The following PML variants were observed in gnomAD, a reference collection of about 807,000 sequenced individuals.
The protein encoded by PML is protein PML.
Under a neutral mutation model 65.2 loss-of-function variants are expected in PML, and 28 were observed. The observed-to-expected ratio is 0.43, with a 90% CI of 0.32 to 0.59. PML has a LOEUF of 0.59. Among genes scored for constraint, PML ranks in the 20% least tolerant of loss-of-function variants. The probability of loss-of-function intolerance (pLI) is 0.08; values close to 1 mark genes in which losing one functional copy is unlikely to be tolerated. For missense variants in PML, 1,021 were observed against 1,203.4 expected (o/e 0.85, Z 2.24); for synonymous variants, 500 against 508.8 (o/e 0.98, Z 0.23).
intron 7 of PML, chr15:74,036,270 G>T (rs2071556728): frequency 2.7e-6 from 4 of 1,480,354 alleles, no homozygotes; most frequent in South Asian, 1.4e-5. Flanking sequence ...AGCCTTCCAT[G>T]CCCCGACCCC....
In PML at chr15:74,044,424, C is replaced by T. The variant is rs762959382; in HGVS notation, c.2065C>T (p.Arg689Trp). The T allele has an allele frequency of 1.4e-5, 23 of 1,614,168 alleles. No homozygotes were observed. The Admixed American group carries it at 1.5e-4, about 11-fold the overall frequency. The stretch of plus-strand genomic sequence containing the variant: ...GGGGCCTGGCCTCCCAAACTTCTTC[C>T]GGGCCCTGGAGGACATTAACAGGCT... ...LWGPGLPNFF[R>W]ALEDINRLWE... is the part of the protein sequence containing the mutation. The change falls in exon 9 of 9, where the codon CGG (arginine) becomes TGG (tryptophan). Residue 689 changes from arginine to tryptophan, a missense_variant. Transcript: ENST00000268058.
intron 4 of PML, among the ~76,000 whole-genome samples, chr15:74,030,000 A>G (rs533096094): frequency 6.6e-6 from 1 of 152,264 alleles, no homozygotes; most frequent in Admixed American, 6.5e-5. Context: ...ATCATGGCCA[A>G]TGGTGTGGAG....
chr15:74,000,399 G>C (rs1280819778), intron 2 of PML, among the ~76,000 whole-genome samples: 1 of 152,014 alleles, frequency 6.6e-6, no homozygotes, highest in African/African-American at 2.4e-5. Context: ...TCAATCTCTT[G>C]GGTTCAAACA....
intron 2 of PML, among the ~76,000 whole-genome samples, chr15:74,006,416 A>G (rs554085672): frequency 1.3e-4 from 19 of 151,886 alleles, no homozygotes; most frequent in African/African-American, 4.1e-4. Context: ...AAAAAGAAAG[A>G]AAAACAGGAG....
chr15:74,044,372 C>A lies in PML; in HGVS notation c.2013C>A (p.Arg671=). 9 of 1,614,240 alleles carry A rather than the reference C, an allele frequency of 5.6e-6. No homozygotes were observed. Among genetic ancestry groups the A allele is most frequent in the Non-Finnish European group, 7.6e-6 (9 of 1,180,040 alleles). ...TCAGCTTTCTGAGCTCCATGCGCCG[C>A]CCTATCTTGGCCTGCTACAAGCTGT... is the stretch of plus-strand genomic sequence containing the variant. ...HFLSFLSSMR[R]PILACYKLWG... is the part of the protein sequence containing the mutation. Residue 671 remains arginine, a synonymous_variant, in exon 9 of 9, where the codon CGC becomes CGA. Transcript: ENST00000268058.
intron 7 of PML, chr15:74,034,778 T>C (rs2141877708): frequency 6.9e-7 from 1 of 1,447,922 alleles, no homozygotes. Flanking sequence ...TCCAGAGCCC[T>C]GTCTCTTTTC....
intron 4 of PML, among the ~76,000 whole-genome samples, chr15:74,028,848 T>C (rs2071194086): frequency 6.6e-6 from 1 of 152,168 alleles, no homozygotes; most frequent in Non-Finnish European, 1.5e-5. Context: ...TTTTTAAAGC[T>C]GAATAATAAT....
rs545351198 is a variant in PML at position 73,994,953 on chromosome 15, T to A, written c.129+12T>A. 93 of 1,417,582 alleles carry A rather than the reference T, an allele frequency of 6.6e-5. No homozygotes were observed. The highest frequency in any genetic ancestry group is 3.8e-4 in the Middle Eastern group (2 of 5,332). The allele number at this position is 1,417,582 out of a possible 1,614,324, so 87.8% of individuals were successfully genotyped here. A position where few individuals can be genotyped will look rare whatever the true frequency, so the allele number is the denominator to read the frequency against. ...CCAGCCCTACAGAGGTACTATTGGG[T>A]TAGGGGATGATGGGGTTAAGCTTTG... On this transcript the variant is annotated intron_variant, in intron 1 of 8. Coordinates refer to ENST00000268058, the MANE Select transcript of PML (RefSeq NM_033238.3).
At chr15:74,005,546 T>C (rs2070003060) in intron 2 of PML, among the ~76,000 whole-genome samples, 1 of 152,064 alleles carries the variant, frequency 6.6e-6, no homozygotes, top group Non-Finnish European at 1.5e-5. Context: ...CATTCTTCTA[T>C]CTGCTACCCC....
chr15:74,042,597 A>T lies in PML; in HGVS notation c.1711-392A>T, dbSNP rs553399058. 147 of 985,268 alleles carry T rather than the reference A, an allele frequency of 1.5e-4. No individual in the cohort carries two copies. The highest frequency in any genetic ancestry group is 5.2e-4 in the Middle Eastern group (1 of 1,936). The allele number at this position is 985,268 out of a possible 1,614,324, so 61.0% of individuals were successfully genotyped here. On this transcript the variant is annotated intron_variant, in intron 7 of 8. Coordinates refer to ENST00000268058, the MANE Select transcript of PML (RefSeq NM_033238.3). This position sits in a 1 kb window ranked among gnomAD's most constrained non-coding sequence, Gnocchi z 5.3. ...CCTCCATAAGCAGCACAGCACACTC[A>T]TGCACACACCCACTGGCATTTTCTC...
At chr15:74,026,006 G>A (rs1047479300) in intron 4 of PML, 2 of 152,366 alleles carry the variant, frequency 1.3e-5, no homozygotes, top group African/African-American at 4.8e-5. Context: ...TCCTGGAAGA[G>A]ACAGGACTTA....
At chr15:74,014,564 C>T (rs536211973) in intron 2 of PML, among the ~76,000 whole-genome samples, 56 of 151,974 alleles carry the variant, frequency 3.7e-4, no homozygotes, top group Non-Finnish European at 6.6e-4. Context: ...GAGTTCGAGA[C>T]GAGCCTGACC....
At chr15:74,003,090 C>T (rs574359957) in intron 2 of PML, among the ~76,000 whole-genome samples, 91 of 152,072 alleles carry the variant, frequency 6.0e-4, no homozygotes, top group South Asian at 3.7e-3. Context: ...GCCATGATCA[C>T]GCCACTGCAC....
intron 2 of PML, among the ~76,000 whole-genome samples, chr15:74,012,136 C>CT (rs2070360999): frequency 8.9e-6 from 1 of 112,196 alleles, no homozygotes; most frequent in Non-Finnish European, 2.0e-5. Flanking sequence ...AAAGGTCCCT[C>CT]TAAGATTAAG....
In PML at chr15:74,043,026, G is replaced by A. The variant is rs148332748; in HGVS notation, c.1748G>A (p.Ser583Asn). Reference protein sequence around the residue: ...RELDDSSSESSDLQLEGPSTL... With the variant: ...RELDDSSSESNDLQLEGPSTL... ...CTGGATGACAGCAGCAGTGAGTCCA[G>A]TGACCTCCAGCTGGAAGGCCCCAGC... is the stretch of plus-strand genomic sequence containing the variant. The change falls in exon 8 of 9, where the codon AGT (serine) becomes AAT (asparagine). Residue 583 changes from serine (S) to asparagine (N), a missense_variant. Ser to Asn is a conservative substitution (Grantham distance 46, BLOSUM62 1). Transcript: ENST00000268058. This position sits in a 1 kb window ranked among gnomAD's most constrained non-coding sequence, Gnocchi z 4.3. The A allele has an allele frequency of 2.8e-5, 45 of 1,613,514 alleles. No homozygotes were observed. The highest frequency in any genetic ancestry group is 3.6e-5 in the Non-Finnish European group (42 of 1,179,944).
At position 73,998,071 on chromosome 15, in the gene PML, G is replaced by C. The variant is rs963684052; in HGVS notation, c.197G>C (p.Cys66Ser). Residue 66 changes from cysteine to serine, a missense_variant, in exon 2 of 9, where the codon TGC becomes TCC. Transcript: ENST00000268058. ...CAGCAATGCCAGGCGGAAGCCAAGT[G>C]CCCGAAGCTGCTGCCTTGTCTGCAC... is the stretch of plus-strand genomic sequence containing the variant. ...RCQQCQAEAK[C>S]PKLLPCLHTL... 8 of 1,613,396 alleles carry C rather than the reference G, an allele frequency of 5.0e-6. No homozygotes were observed. In the African/African-American group the frequency reaches 1.1e-4, roughly 22 times the overall value.
In PML at chr15:74,035,135, T is replaced by C. The variant is rs754026923; in HGVS notation, c.1710+605T>C. 1 of 1,148,320 alleles carries C rather than the reference T, an allele frequency of 8.7e-7. No homozygotes were observed. Among genetic ancestry groups the C allele is most frequent in the South Asian group, 1.2e-5 (1 of 81,872 alleles). 71.1% of individuals were successfully genotyped at this position (1,148,320 alleles called of 1,614,324 possible). On this transcript the variant is annotated intron_variant, in intron 7 of 8. Transcript: ENST00000268058. The surrounding 1 kb of genome is among the most constrained non-coding windows in gnomAD (Gnocchi z 4.1). ...GTTGGACTGGGTGGCCCCTGAGGTC[T>C]CTTCCAGCCCTCAGTCTGAGGTTCT...
intron 7 of PML, among the ~76,000 whole-genome samples, chr15:74,039,636 C>T (rs1313714078): frequency 6.6e-6 from 1 of 152,192 alleles, no homozygotes; most frequent in Non-Finnish European, 1.5e-5. Flanking sequence ...ACTACAGATT[C>T]CTAGGTCCTA....
chr15:74,019,552 C>T (rs2141821130), intron 2 of PML, among the ~76,000 whole-genome samples: 1 of 152,320 alleles, frequency 6.6e-6, no homozygotes, highest in South Asian at 2.1e-4. Flanking sequence ...CCCATAGCCA[C>T]TTTTATTAAT....
Sources: gnomAD v4.1 joint callset for allele counts (sites outside exome capture counted in the v4.1 genomes callset) on GRCh38, gnomAD v4.1.1 for gene constraint, Gnocchi (gnomAD v3.1) non-coding constraint, MANE v1.5 for transcripts, NCBI Gene and HGNC (gene_info 2026-07-23, HGNC 2026-07-21) for gene names.